Variants in KCNMB4 observed in about 807,000 individuals in gnomAD.
KCNMB4 encodes the protein calcium-activated potassium channel subunit beta-4.
Under a neutral mutation model 20.7 loss-of-function variants are expected in KCNMB4, and 3 were observed. The ratio of observed to expected loss-of-function variants is 0.14; its 90% CI spans 0.07 to 0.37. KCNMB4 has a LOEUF of 0.37. Ranked by LOEUF, KCNMB4 falls within the 10% of genes least tolerant of loss-of-function variation. KCNMB4 has a pLI of 1.00. For missense variants in KCNMB4, 168 were observed against 265.9 expected (o/e 0.63, Z 2.56); for synonymous variants, 110 against 113.4 (o/e 0.97, Z 0.19).
intron 1 of KCNMB4, among the ~76,000 whole-genome samples, chr12:70,376,876 A>C (rs1883696764): frequency 2.0e-5 from 3 of 151,928 alleles, no homozygotes; most frequent in Admixed American, 1.3e-4. Context: ...TGTCTCAAAA[A>C]AAAAAAAAGA....
Position 70,430,051 on chromosome 12 carries a change from T to TTA in KCNMB4, c.465-434_465-433insTA, listed in dbSNP as rs398020062. ...GCTTTAACTGACCTTTTTTTTTTTT[T>TTA]ATCTGAATTAAGATCATTTGGGCCA... is the stretch of plus-strand genomic sequence containing the variant. On this transcript the variant is annotated intron_variant, in intron 2 of 2. Transcript: ENST00000258111. 9.3e-5 allele frequency among the ~76,000 whole-genome samples: 14 copies of TTA among 150,678 alleles called. No individual in the cohort carries two copies. In the East Asian group the frequency reaches 1.4e-3, roughly 15 times the overall value.
intron 2 of KCNMB4, among the ~76,000 whole-genome samples, chr12:70,403,961 C>A (rs1222993183): frequency 6.6e-6 from 1 of 152,212 alleles, no homozygotes; most frequent in Non-Finnish European, 1.5e-5. Context: ...AAGGAGGGTT[C>A]TTTGCTTCCA....
At chr12:70,370,412 A>C (rs11178202) in intron 1 of KCNMB4, among the ~76,000 whole-genome samples, 1 of 150,390 alleles carries the variant, frequency 6.6e-6, no homozygotes, top group East Asian at 2.0e-4. Flanking sequence ...GGTTCATGCC[A>C]TTCTCCTGCC....
At chr12:70,387,336 A>G (rs1232709439) in intron 1 of KCNMB4, among the ~76,000 whole-genome samples, 1 of 146,456 alleles carries the variant, frequency 6.8e-6, no homozygotes, top group East Asian at 2.0e-4. Context: ...TTCATCACAT[A>G]TTTGTGGGCC....
rs572324527 is a variant in KCNMB4, at chr12:70,375,355, C to T, written c.336+8285C>T. 5.0e-4 allele frequency among the ~76,000 whole-genome samples: 76 copies of T among 152,088 alleles called. 1 individual carries two copies. The highest frequency in any genetic ancestry group is 4.1e-3 in the Admixed American group (63 of 15,254). ...AACTTGTTAGAGATGCACATTCTGG[C>T]TGAGCGTGGTGGCTCACACCTGTAA... On this transcript the variant is annotated intron_variant, in intron 1 of 2. Coordinates refer to ENST00000258111, the MANE Select transcript of KCNMB4 (RefSeq NM_014505.6).
intron 1 of KCNMB4, among the ~76,000 whole-genome samples, chr12:70,393,242 G>A (rs1171484703): frequency 6.6e-6 from 1 of 151,814 alleles, no homozygotes; most frequent in Non-Finnish European, 1.5e-5. Flanking sequence ...TCACTCTGTC[G>A]CCCAGACTGG....
chr12:70,426,293 C>CAA (rs11320040), intron 2 of KCNMB4, among the ~76,000 whole-genome samples: 3 of 108,980 alleles, frequency 2.8e-5, no homozygotes, highest in Non-Finnish European at 1.9e-5. Context: ...GATTCCGTCT[C>CAA]AAAAAAAAAA....
At chr12:70,427,457 G>A (rs1433923948) in intron 2 of KCNMB4, among the ~76,000 whole-genome samples, 1 of 152,214 alleles carries the variant, frequency 6.6e-6, no homozygotes, top group Non-Finnish European at 1.5e-5. Context: ...GCTGTAGGAA[G>A]TGGAAACGGA....
intron 1 of KCNMB4, among the ~76,000 whole-genome samples, chr12:70,375,050 CTT>C (rs1353888332): frequency 1.3e-5 from 2 of 152,042 alleles, no homozygotes; most frequent in Non-Finnish European, 2.9e-5. Flanking sequence ...TTTTAATTAC[CTT>C]TTGTTTTCTC....
intron 1 of KCNMB4, among the ~76,000 whole-genome samples, chr12:70,367,508 T>C (rs1261491289): frequency 2.0e-5 from 3 of 152,204 alleles, no homozygotes; most frequent in Non-Finnish European, 4.4e-5. Context: ...TGGAATGACC[T>C]TCCTTGAAAG....
intron 1 of KCNMB4, among the ~76,000 whole-genome samples, chr12:70,374,350 C>T (rs1883650024): frequency 6.6e-6 from 1 of 151,684 alleles, no homozygotes; most frequent in Non-Finnish European, 1.5e-5. Context: ...TTTTTCAGTC[C>T]TTAGCAGAAT....
intron 1 of KCNMB4, among the ~76,000 whole-genome samples, chr12:70,377,196 A>G (rs1191874855): frequency 1.3e-5 from 2 of 152,166 alleles, no homozygotes; most frequent in Admixed American, 1.3e-4. Context: ...ACGGAAATGC[A>G]AGAGAACCAT....
At position 70,433,638 on chromosome 12, in the gene KCNMB4, A is replaced by T. The variant is rs1454963572; in HGVS notation, c.*2985A>T. 1 of 152,262 alleles carries T rather than the reference A, an allele frequency of 6.6e-6. No homozygotes were observed. Among genetic ancestry groups the T allele is most frequent in the African/African-American group, 2.4e-5 (1 of 41,474 alleles). The allele number at this position is 152,262 out of a possible 1,614,324, so 9.4% of individuals were successfully genotyped here. On this transcript the variant is annotated 3_prime_UTR_variant, in exon 3 of 3. Coordinates refer to ENST00000258111, the MANE Select transcript of KCNMB4 (RefSeq NM_014505.6). ...GGGTTCTATTACTAAAGCTAAAAAG[A>T]GGGGAATGAATACTAGAGTTAAAGA...
At chr12:70,413,222 A>G (rs549433117) in intron 2 of KCNMB4, among the ~76,000 whole-genome samples, 3 of 152,346 alleles carry the variant, frequency 2.0e-5, no homozygotes, top group African/African-American at 7.2e-5. Flanking sequence ...TCTACATTTG[A>G]GAGTCTGTTT....
chr12:70,419,059 C>T (rs1868983016), intron 2 of KCNMB4, among the ~76,000 whole-genome samples: 3 of 152,262 alleles, frequency 2.0e-5, no homozygotes, highest in Admixed American at 6.5e-5. Flanking sequence ...TAGTCCTATC[C>T]AGCCCGGGCT....
intron 2 of KCNMB4, among the ~76,000 whole-genome samples, chr12:70,402,594 G>T (rs1283088887): frequency 7.4e-6 from 1 of 135,362 alleles, no homozygotes; most frequent in African/African-American, 2.9e-5. Flanking sequence ...GGTTGAGGCT[G>T]CAATGAGCCA....
At chr12:70,402,502 G>A (rs1028401798) in intron 2 of KCNMB4, among the ~76,000 whole-genome samples, 8 of 151,556 alleles carry the variant, frequency 5.3e-5, no homozygotes, top group African/African-American at 1.9e-4. Context: ...AAATTAGCCA[G>A]GCATGATGAT....
chr12:70,366,938 C>T lies in KCNMB4; in HGVS notation c.204C>T (p.Cys68=), dbSNP rs756431148. 1.9e-6 allele frequency: 3 copies of T among 1,612,018 alleles called. No homozygotes were observed. The highest frequency in any genetic ancestry group is 2.7e-5 in the African/African-American group (2 of 74,908). ...SVQQIGEVFE[C]TFTCGADCRG... is the part of the protein sequence containing the mutation. ...AGCAGATCGGCGAGGTGTTCGAGTG[C>T]ACCTTCACCTGTGGCGCCGACTGCA... The change falls in exon 1 of 3, where the codon TGC becomes TGT. Residue 68 remains cysteine, a synonymous_variant. Transcript: ENST00000258111.
At chr12:70,402,576 C>T (rs1020965259) in intron 2 of KCNMB4, among the ~76,000 whole-genome samples, 4 of 144,944 alleles carry the variant, frequency 2.8e-5, no homozygotes, top group East Asian at 4.2e-4. Context: ...TCCTACTAAG[C>T]CTTGGGAGGT....
Sources: allele counts gnomAD v4.1 joint callset (sites outside exome capture counted in the v4.1 genomes callset), GRCh38; gene constraint gnomAD v4.1.1; transcripts MANE v1.5; gene names NCBI Gene and HGNC (gene_info 2026-07-23, HGNC 2026-07-21).